The following CYSTM1 variants were observed in gnomAD, a reference collection of about 807,000 sequenced individuals.
CYSTM1 encodes the protein cysteine rich transmembrane module containing 1, also known as cysteine-rich transmembrane module-containing protein 1.
CYSTM1 carries 4 observed loss-of-function variants against 13.1 expected under a neutral mutation model. The observed-to-expected ratio is 0.31, with a 90% CI of 0.15 to 0.70. CYSTM1 has a LOEUF of 0.70. Among genes scored for constraint, CYSTM1 ranks in the 30% least tolerant of loss-of-function variants. The pLI is 0.72. For missense variants in CYSTM1, 96 were observed against 121.6 expected (o/e 0.79, Z 0.99); for synonymous variants, 36 against 42.7 (o/e 0.84, Z 0.62).
chr5:140,236,121 G>T (rs968152681), intron 2 of CYSTM1, among the ~76,000 whole-genome samples: 1 of 152,018 alleles, frequency 6.6e-6, no homozygotes, highest in South Asian at 2.1e-4. Context: ...TTTTATTTCC[G>T]TCTCTCACCA....
chr5:140,192,443 G>C (rs752028254), intron 1 of CYSTM1, among the ~76,000 whole-genome samples: 1 of 152,174 alleles, frequency 6.6e-6, no homozygotes, highest in Non-Finnish European at 1.5e-5. Context: ...AAATTCGATA[G>C]AGGTAGTTTA....
chr5:140,217,780 G>A (rs1324455062), intron 2 of CYSTM1, among the ~76,000 whole-genome samples: 1 of 152,158 alleles, frequency 6.6e-6, no homozygotes, highest in African/African-American at 2.4e-5. Flanking sequence ...TAATAAGACA[G>A]GCTTTTCCAA....
chr5:140,220,902 A>G (rs889002182), intron 2 of CYSTM1, among the ~76,000 whole-genome samples: 3 of 152,152 alleles, frequency 2.0e-5, no homozygotes, highest in Non-Finnish European at 1.5e-5. Context: ...CAAACCAAAG[A>G]GAACTGAAGC....
At chr5:140,209,887 C>T (rs1764343018) in intron 2 of CYSTM1, among the ~76,000 whole-genome samples, 1 of 152,046 alleles carries the variant, frequency 6.6e-6, no homozygotes, top group Non-Finnish European at 1.5e-5. Flanking sequence ...CCTTTCTCAC[C>T]TTACTCATTT....
At chr5:140,218,717 A>G (rs1025118692) in intron 2 of CYSTM1, among the ~76,000 whole-genome samples, 1 of 152,204 alleles carries the variant, frequency 6.6e-6, no homozygotes. Flanking sequence ...AGCATTGCAA[A>G]CATACTATCC....
At chr5:140,233,295 T>C (rs1312866933) in intron 2 of CYSTM1, among the ~76,000 whole-genome samples, 1 of 152,228 alleles carries the variant, frequency 6.6e-6, no homozygotes, top group Admixed American at 6.5e-5. Flanking sequence ...AGCACAATCA[T>C]CAGTGTGTTA....
At chr5:140,217,324 G>A (rs576338097) in intron 2 of CYSTM1, among the ~76,000 whole-genome samples, 1 of 152,114 alleles carries the variant, frequency 6.6e-6, no homozygotes, top group East Asian at 1.9e-4. Flanking sequence ...CTCCTCCTGA[G>A]CCTCCAAAAA....
At chr5:140,202,958 CAAGA>C (rs890267249) in intron 2 of CYSTM1, 6 of 151,074 alleles carry the variant, frequency 4.0e-5, no homozygotes, top group Admixed American at 1.3e-4. Context: ...CTCATTATAA[CAAGA>C]AATTATCTCA....
chr5:140,233,003 G>A (rs1312919484), intron 2 of CYSTM1, among the ~76,000 whole-genome samples: 1 of 152,170 alleles, frequency 6.6e-6, no homozygotes, highest in East Asian at 1.9e-4. Flanking sequence ...CTTCTGAACA[G>A]TAGCAACAGT....
At chr5:140,226,590 AT>A (rs1163535874) in intron 2 of CYSTM1, among the ~76,000 whole-genome samples, 2 of 94,810 alleles carry the variant, frequency 2.1e-5, no homozygotes, top group Admixed American at 1.3e-4. Context: ...TAAATATTAT[AT>A]ATATATATAT....
chr5:140,204,518 C>T (rs1454871851), intron 2 of CYSTM1, among the ~76,000 whole-genome samples: 3 of 151,662 alleles, frequency 2.0e-5, no homozygotes, highest in East Asian at 1.9e-4. Context: ...CTTATCTGCA[C>T]CCCCCCACCC....
chr5:140,183,871 C>T (rs1763987093), intron 1 of CYSTM1, among the ~76,000 whole-genome samples: 1 of 152,170 alleles, frequency 6.6e-6, no homozygotes, highest in Non-Finnish European at 1.5e-5. Context: ...AGCTGTGGAT[C>T]CTGCCCTGAA....
At chr5:140,186,559 T>C (rs1764017339) in intron 1 of CYSTM1, among the ~76,000 whole-genome samples, 1 of 152,256 alleles carries the variant, frequency 6.6e-6, no homozygotes, top group Admixed American at 6.5e-5. Context: ...TAGTTATCTC[T>C]ACTTTGAGCT....
intron 2 of CYSTM1, among the ~76,000 whole-genome samples, chr5:140,195,711 G>C (rs193146882): frequency 2.7e-5 from 4 of 149,524 alleles, no homozygotes; most frequent in African/African-American, 2.4e-5. Flanking sequence ...GATTACAGGC[G>C]TGAGCCACTG....
chr5:140,218,785 G>A (rs544701140), intron 2 of CYSTM1, among the ~76,000 whole-genome samples: 126 of 152,298 alleles, frequency 8.3e-4, no homozygotes, highest in South Asian at 2.5e-3. Context: ...AGTTTGCTGA[G>A]AGTCCTTCTG....
At chr5:140,240,276 C>T (rs575871598) in intron 2 of CYSTM1, among the ~76,000 whole-genome samples, 1 of 151,920 alleles carries the variant, frequency 6.6e-6, no homozygotes, top group East Asian at 1.9e-4. Context: ...GAAGAGTTGC[C>T]GAGATGGTAG....
intron 2 of CYSTM1, among the ~76,000 whole-genome samples, chr5:140,224,288 C>T (rs1050692913): frequency 1.3e-4 from 19 of 151,784 alleles, no homozygotes; most frequent in African/African-American, 4.1e-4. Context: ...TACAGGCATG[C>T]GCCACCACAC....
At chr5:140,196,291 C>A (rs1374365352) in intron 2 of CYSTM1, among the ~76,000 whole-genome samples, 1 of 152,156 alleles carries the variant, frequency 6.6e-6, no homozygotes, top group Non-Finnish European at 1.5e-5. Flanking sequence ...TCCTCTCCTG[C>A]CTTTTCTGAG....
At position 140,186,028 on chromosome 5, in the gene CYSTM1, T is replaced by C. The variant is rs146312143; in HGVS notation, c.-20-8418T>C. ...ACTACCTTCACCATATCCTTAAAAT[T>C]TGGAAAACTTCCAGCATATTCCATC... On this transcript the variant is annotated intron_variant, in intron 1 of 2. Transcript: ENST00000261811. Among the ~76,000 whole-genome samples, 130 of 152,332 alleles carry C rather than the reference T, an allele frequency of 8.5e-4. 2 individuals are homozygous for C. The East Asian group carries it at 0.012, about 14-fold the overall frequency.
Sources: gnomAD v4.1 joint callset for allele counts (sites outside exome capture counted in the v4.1 genomes callset) on GRCh38, gnomAD v4.1.1 for gene constraint, MANE v1.5 for transcripts, NCBI Gene and HGNC (gene_info 2026-07-23, HGNC 2026-07-21) for gene names.